HSD17B12: variants seen among roughly 807,000 people sequenced by gnomAD.
The protein encoded by HSD17B12 is very-long-chain 3-oxoacyl-CoA reductase.
Under a neutral mutation model 39.3 loss-of-function variants are expected in HSD17B12, and 32 were observed. The observed-to-expected ratio is 0.81, with a 90% CI of 0.61 to 1.09. The LOEUF (loss-of-function observed/expected upper bound fraction) is 1.09. Ranked by LOEUF, HSD17B12 falls within the 50% of genes least tolerant of loss-of-function variation. The probability of loss-of-function intolerance (pLI) is 0.00; values close to 1 mark genes in which losing one functional copy is unlikely to be tolerated. For missense variants in HSD17B12, 342 were observed against 382.9 expected, an observed-to-expected ratio of 0.89 and a Z score of 0.89; for synonymous variants, 150 against 146.7, an observed-to-expected ratio of 1.02 and a Z score of -0.16.
intron 1 of HSD17B12, chr11:43,733,995 G>C: frequency 1.4e-6 from 1 of 723,202 alleles, no homozygotes; most frequent in Admixed American, 1.9e-5. Flanking sequence ...AGTCATCACT[G>C]GTAGCAAAGA....
chr11:43,557,765 G>T, the HSD17B12 span, among the ~76,000 whole-genome samples: 1 of 152,160 alleles, frequency 6.6e-6, no homozygotes, highest in Non-Finnish European at 1.5e-5. Flanking sequence ...TTAAAACTCG[G>T]GGGCGGCAGA....
intron 3 of HSD17B12, among the ~76,000 whole-genome samples, chr11:43,762,081 T>C (rs1363106404): frequency 1.3e-5 from 2 of 152,214 alleles, no homozygotes; most frequent in Non-Finnish European, 2.9e-5. Context: ...TCCTGAATTC[T>C]GTGGGATCAG....
In HSD17B12 at chr11:43,831,599, G is replaced by A. The variant is rs1473469187; in HGVS notation, c.536+589G>A. On this transcript the variant is annotated intron_variant, in intron 7 of 10. Coordinates refer to ENST00000278353, the MANE Select transcript of HSD17B12 (RefSeq NM_016142.3). The surrounding 1 kb of genome is among the most constrained non-coding windows in gnomAD (Gnocchi z 4.1). Reference sequence around the variant, plus strand: ...TTGTAGATTTCTGTTATCTGAAATAGCATGAAGTGTAGAATTGTAATTAAG... The same window carrying A: ...TTGTAGATTTCTGTTATCTGAAATAACATGAAGTGTAGAATTGTAATTAAG... 1 of 152,214 alleles carries A rather than the reference G, an allele frequency of 6.6e-6. No individual in the cohort carries two copies. Among genetic ancestry groups the A allele is most frequent in the Non-Finnish European group, 1.5e-5 (1 of 68,044 alleles). 9.4% of individuals were successfully genotyped at this position (152,214 alleles called of 1,614,324 possible). A position where few individuals can be genotyped will look rare whatever the true frequency, so the allele number is the denominator to read the frequency against.
At chr11:43,659,921 T>A in the HSD17B12 span, among the ~76,000 whole-genome samples, 1 of 152,148 alleles carries the variant, frequency 6.6e-6, no homozygotes, top group African/African-American at 2.4e-5. Flanking sequence ...TTTTTACAAA[T>A]CTAATTTTTT....
chr11:43,692,293 C>T (rs4620711), intron 1 of HSD17B12, among the ~76,000 whole-genome samples: 56,046 of 151,998 alleles, frequency 0.37, 11,746 homozygotes, highest in East Asian at 0.72. Flanking sequence ...CTTCTGAAAC[C>T]TCAAGTGCTA....
chr11:43,778,728 C>CA (rs1309105612), intron 3 of HSD17B12, among the ~76,000 whole-genome samples: 1 of 151,632 alleles, frequency 6.6e-6, no homozygotes, highest in Non-Finnish European at 1.5e-5. Context: ...GAACCAAAGA[C>CA]AAAAACCACA....
chr11:43,712,787 T>C (rs1212448858), intron 1 of HSD17B12, among the ~76,000 whole-genome samples: 1 of 152,192 alleles, frequency 6.6e-6, no homozygotes, highest in Non-Finnish European at 1.5e-5. Context: ...GTTCACAACG[T>C]TTACAAAAGG....
At chr11:43,707,218 T>C (rs540286611) in intron 1 of HSD17B12, among the ~76,000 whole-genome samples, 79 of 152,364 alleles carry the variant, frequency 5.2e-4, no homozygotes, top group South Asian at 2.1e-4. Context: ...TTTGCTCTCA[T>C]GGAGCCTGCA....
chr11:43,709,386 A>C (rs1231943698), intron 1 of HSD17B12, among the ~76,000 whole-genome samples: 2 of 152,232 alleles, frequency 1.3e-5, no homozygotes, highest in Non-Finnish European at 2.9e-5. Context: ...TTGGCCTCCC[A>C]AAGTGTTGGG....
At chr11:43,673,911 C>A in the HSD17B12 span, among the ~76,000 whole-genome samples, 3 of 152,138 alleles carry the variant, frequency 2.0e-5, no homozygotes, top group Non-Finnish European at 2.9e-5. Flanking sequence ...CACTTACTAG[C>A]TTTAAGCTTC....
chr11:43,673,663 G>GTTTT, the HSD17B12 span, among the ~76,000 whole-genome samples: 1 of 1,828 alleles, frequency 5.5e-4, no homozygotes, highest in African/African-American at 8.2e-4. Flanking sequence ...AGCTAGTTTT[G>GTTTT]TTTGTTTGTT....
chr11:43,618,893 T>C, the HSD17B12 span, among the ~76,000 whole-genome samples: 1 of 151,942 alleles, frequency 6.6e-6, no homozygotes. Flanking sequence ...ACCACAGTTT[T>C]ATTGTCTTTG....
At chr11:43,636,005 G>C in the HSD17B12 span, among the ~76,000 whole-genome samples, 3 of 152,110 alleles carry the variant, frequency 2.0e-5, no homozygotes, top group Admixed American at 2.0e-4. Context: ...AAGCTTCAAT[G>C]GTGTTGACTT....
chr11:43,852,218 A>C (rs1398972445), intron 9 of HSD17B12: 2 of 152,188 alleles, frequency 1.3e-5, no homozygotes, highest in Non-Finnish European at 2.9e-5. Flanking sequence ...CTGCATGAAG[A>C]GTTAACTTGT....
chr11:43,774,904 G>T (rs180813571), intron 3 of HSD17B12, among the ~76,000 whole-genome samples: 31 of 152,200 alleles, frequency 2.0e-4, no homozygotes, highest in African/African-American at 7.5e-4. Context: ...TACATTATAT[G>T]GCAAAGGCAA....
At chr11:43,806,156 G>C (rs1361223490) in intron 4 of HSD17B12, 4 of 152,038 alleles carry the variant, frequency 2.6e-5, no homozygotes, top group Admixed American at 1.3e-4. Flanking sequence ...AGTTTTTATT[G>C]GGGGTTTCAT....
intron 3 of HSD17B12, among the ~76,000 whole-genome samples, chr11:43,777,620 C>T (rs1950720049): frequency 6.6e-6 from 1 of 152,126 alleles, no homozygotes; most frequent in Non-Finnish European, 1.5e-5. Flanking sequence ...CCTAATTGCC[C>T]TGGCCAGAAC....
intron 9 of HSD17B12, chr11:43,852,006 A>G (rs1951536550): frequency 6.6e-6 from 1 of 152,144 alleles, no homozygotes; most frequent in Non-Finnish European, 1.5e-5. Context: ...GACTTAGCTC[A>G]AACGCTGTTT....
At chr11:43,577,281 A>C in the HSD17B12 span, among the ~76,000 whole-genome samples, 1 of 152,148 alleles carries the variant, frequency 6.6e-6, no homozygotes, top group African/African-American at 2.4e-5. Flanking sequence ...TACGGGGACG[A>C]GAGGGTTAAG....
Sources: gnomAD v4.1 joint callset for allele counts (sites outside exome capture counted in the v4.1 genomes callset) on GRCh38, gnomAD v4.1.1 for gene constraint, Gnocchi (gnomAD v3.1) non-coding constraint, MANE v1.5 for transcripts, NCBI Gene and HGNC (gene_info 2026-07-23, HGNC 2026-07-21) for gene names.